The following SLX4IP variants were observed in gnomAD, a reference collection of about 807,000 sequenced individuals.
The protein encoded by SLX4IP is SLX4 interacting protein, also known as protein SLX4IP.
SLX4IP carries 34 observed loss-of-function variants against 32.9 expected under a neutral mutation model. The ratio of observed to expected loss-of-function variants is 1.03; its 90% confidence interval spans 0.79 to 1.38. The LOEUF is 1.38. SLX4IP is among the 40% of genes most tolerant of loss of function. The pLI, the probability that SLX4IP is intolerant of heterozygous loss-of-function variation, is 0.00. For missense variants in SLX4IP, 444 were observed against 479.0 expected (o/e 0.93, Z 0.68); for synonymous variants, 172 against 171.7 (o/e 1.00, Z -0.01).
intron 2 of SLX4IP, among the ~76,000 whole-genome samples, chr20:10,474,642 G>T (rs1037206609): frequency 6.6e-6 from 1 of 152,240 alleles, no homozygotes; most frequent in Non-Finnish European, 1.5e-5. Flanking sequence ...GGCCTTGGGG[G>T]CCTGGGCTGG....
intron 4 of SLX4IP, among the ~76,000 whole-genome samples, chr20:10,585,640 G>A (rs185648670): frequency 2.0e-3 from 295 of 150,646 alleles, no homozygotes; most frequent in Non-Finnish European, 3.2e-3. Context: ...TGGATGGAGC[G>A]CAGTGGCATG....
Position 10,535,591 on chromosome 20 carries a change from G to A in SLX4IP, c.28-20640G>A, listed in dbSNP as rs150518937. Among the ~76,000 whole-genome samples, 708 of 152,294 alleles carry A rather than the reference G, an allele frequency of 4.6e-3. 3 individuals carry two copies. Among genetic ancestry groups the A allele is most frequent in the Non-Finnish European group, 8.0e-3 (542 of 68,022 alleles). ...CCTCCTCGGCCTCCCAAAGTACTGGGATTACAGGCATGAGCTACTGCGCCC... is the reference window on the plus strand; with the variant it reads ...CCTCCTCGGCCTCCCAAAGTACTGGAATTACAGGCATGAGCTACTGCGCCC... On this transcript the variant is annotated intron_variant, in intron 2 of 7. Transcript: ENST00000334534.
chr20:10,558,390 G>T (rs2066292478), intron 3 of SLX4IP, among the ~76,000 whole-genome samples: 1 of 148,970 alleles, frequency 6.7e-6, no homozygotes, highest in Non-Finnish European at 1.5e-5. Flanking sequence ...AATTCCTCTG[G>T]GATCATTTGT....
At chr20:10,572,844 C>T (rs939599253) in intron 4 of SLX4IP, among the ~76,000 whole-genome samples, 9 of 152,232 alleles carry the variant, frequency 5.9e-5, no homozygotes, top group Middle Eastern at 3.4e-3. Flanking sequence ...CATTCAAGGA[C>T]GAATTACCAA....
intron 2 of SLX4IP, among the ~76,000 whole-genome samples, chr20:10,466,948 C>T (rs2065385686): frequency 6.6e-6 from 1 of 152,072 alleles, no homozygotes. Flanking sequence ...CTCTGAATTT[C>T]AGTTAACCTT....
At chr20:10,492,461 A>G (rs649368) in intron 2 of SLX4IP, among the ~76,000 whole-genome samples, 31,110 of 151,710 alleles carry the variant, frequency 0.21, 3,683 homozygotes, top group East Asian at 0.27. Flanking sequence ...GTTTATTTTT[A>G]TTTCTTTTGT....
chr20:10,601,652 T>C, intron 5 of SLX4IP, 79 bp from the exon 6 acceptor site: 2 of 1,229,944 alleles, frequency 1.6e-6, no homozygotes, highest in Non-Finnish European at 2.4e-6. Flanking sequence ...TAACTTAAAA[T>C]GAACAAAAAT....
chr20:10,617,670 T>C (rs1198468911), intron 6 of SLX4IP, among the ~76,000 whole-genome samples: 35 of 149,648 alleles, frequency 2.3e-4, no homozygotes, highest in South Asian at 1.1e-3. Context: ...TTTTTTTTTT[T>C]CAAAGCATTA....
intron 6 of SLX4IP, among the ~76,000 whole-genome samples, chr20:10,617,716 A>G (rs1328997146): frequency 7.4e-6 from 1 of 135,082 alleles, no homozygotes; most frequent in Non-Finnish European, 1.5e-5. Flanking sequence ...TGGCACAATC[A>G]TGGCTTACTG....
In SLX4IP at chr20:10,573,625, G is replaced by A. The variant is rs527902186; in HGVS notation, c.238+12805G>A. Among the ~76,000 whole-genome samples, 13 of 152,318 alleles carry A rather than the reference G, an allele frequency of 8.5e-5. No individual in the cohort carries two copies. The South Asian group carries it at 1.0e-3, about 12-fold the overall frequency. ...AAGAGGGGAAGAAATAGTCACTCAT[G>A]TGGTTTTAGCAACAGTCAAACTGCA... On this transcript the variant is annotated intron_variant, in intron 4 of 7. Coordinates refer to ENST00000334534, the MANE Select transcript of SLX4IP (RefSeq NM_001009608.3).
chr20:10,567,096 G>C (rs1022731719), intron 4 of SLX4IP, among the ~76,000 whole-genome samples: 21 of 152,298 alleles, frequency 1.4e-4, no homozygotes, highest in African/African-American at 4.8e-4. Flanking sequence ...TCTGTGTTGA[G>C]CCCTAGCAGA....
In SLX4IP at chr20:10,622,928, C is replaced by T; in HGVS notation, c.776C>T (p.Pro259Leu). The T allele has an allele frequency of 6.2e-7, 1 of 1,614,122 alleles. No individual in the cohort carries two copies. The highest frequency in any genetic ancestry group is 8.5e-7 in the Non-Finnish European group (1 of 1,180,024). ...ACTAGTGGCCAGCAAAAACCTCATC[C>T]TGGGGAGCGGTTAAAGACAGGGCTT... ...EDTSGQQKPH[P>L]GERLKTGLLS... The change falls in exon 8 of 8, where the codon CCT becomes CTT. Residue 259 changes from proline (P) to leucine (L), a missense_variant. Physicochemically the swap from Pro to Leu is moderately conservative, Grantham distance 98. Transcript: ENST00000334534.
At position 10,458,249 on chromosome 20, in the gene SLX4IP, G is replaced by C. The variant is rs201331849; in HGVS notation, c.27+18G>C. On this transcript the variant is annotated intron_variant, in intron 2 of 7. Coordinates refer to ENST00000334534, the MANE Select transcript of SLX4IP (RefSeq NM_001009608.3). The stretch of plus-strand genomic sequence containing the variant: ...CTGTTAAAGTAAGTAATGTTTAATA[G>C]CTTTTTAAAAAGAGGCTAATCACTT... 7 of 1,568,076 alleles carry C rather than the reference G, an allele frequency of 4.5e-6. No individual in the cohort carries two copies. The highest frequency in any genetic ancestry group is 5.2e-6 in the Non-Finnish European group (6 of 1,159,784).
rs1171771639 is a variant in SLX4IP at position 10,438,471 on chromosome 20, TG to T, written c.-30+3019del. 4.3e-3 allele frequency among the ~76,000 whole-genome samples: 628 copies of T among 146,334 alleles called. 6 individuals are homozygous for T. The highest frequency in any genetic ancestry group is 0.015 in the African/African-American group (594 of 39,254). On this transcript the variant is annotated intron_variant, in intron 1 of 7. Transcript: ENST00000334534. ...TTGCATTGCATTTCCTAGGTGTGTGTGTTTTTTTTTTTTTTTTTTTTTTTGA... is the reference window on the plus strand; with the variant it reads ...TTGCATTGCATTTCCTAGGTGTGTGTTTTTTTTTTTTTTTTTTTTTTTTGA...
At position 10,542,872 on chromosome 20, in the gene SLX4IP, T is replaced by C. The variant is rs1296967239; in HGVS notation, c.28-13359T>C. Among the ~76,000 whole-genome samples, 3 of 152,318 alleles carry C rather than the reference T, an allele frequency of 2.0e-5. No homozygotes were observed. The East Asian group carries it at 5.8e-4, about 29-fold the overall frequency. Reference sequence around the variant, plus strand: ...TTTTTGCTACCCCAGATATGCACTGTCCCCTTCTTTGCAGTGACATCCACC... The same window carrying C: ...TTTTTGCTACCCCAGATATGCACTGCCCCCTTCTTTGCAGTGACATCCACC... On this transcript the variant is annotated intron_variant, in intron 2 of 7. Coordinates refer to ENST00000334534, the MANE Select transcript of SLX4IP (RefSeq NM_001009608.3).
intron 2 of SLX4IP, among the ~76,000 whole-genome samples, chr20:10,547,484 G>A (rs772517006): frequency 5.3e-4 from 81 of 152,210 alleles, no homozygotes; most frequent in Admixed American, 7.9e-4. Flanking sequence ...CCTTTAACCC[G>A]AAAAACTCAA....
intron 4 of SLX4IP, among the ~76,000 whole-genome samples, chr20:10,583,851 G>T (rs184627512): frequency 1.4e-4 from 22 of 152,258 alleles, no homozygotes; most frequent in Admixed American, 1.2e-3. Flanking sequence ...AAATTTAAAA[G>T]ACTCTTTTAC....
At chr20:10,498,402 T>G (rs1159217598) in intron 2 of SLX4IP, among the ~76,000 whole-genome samples, 1 of 152,078 alleles carries the variant, frequency 6.6e-6, no homozygotes, top group Non-Finnish European at 1.5e-5. Context: ...CTCTGCAGAA[T>G]GGAACTTCCC....
chr20:10,614,041 G>A (rs1421307743), intron 6 of SLX4IP: 1 of 1,450,576 alleles, frequency 6.9e-7, no homozygotes, highest in African/African-American at 1.4e-5. Context: ...TCCAGGATCT[G>A]GAAGCAGCGG....
Sources: allele counts gnomAD v4.1 joint callset (sites outside exome capture counted in the v4.1 genomes callset), GRCh38; gene constraint gnomAD v4.1.1; transcripts MANE v1.5; gene names NCBI Gene and HGNC (gene_info 2026-07-23, HGNC 2026-07-21).